Variants in RNF130 observed in about 807,000 individuals in gnomAD.
RNF130 encodes the protein E3 ubiquitin-protein ligase RNF130.
A neutral mutation model predicts 44.6 loss-of-function variants in RNF130; 21 were observed. That is an observed-to-expected ratio of 0.47 (90% confidence interval 0.33 to 0.68). The LOEUF is 0.68. RNF130 is among the 30% of genes least tolerant of loss of function. The pLI is 0.02. For synonymous variants in RNF130, 214 were observed against 210.4 expected, an observed-to-expected ratio of 1.02 and a Z score of -0.15; for missense variants, 479 against 560.6, an observed-to-expected ratio of 0.85 and a Z score of 1.47.
chr5:179,918,778 G>C (rs1761587406), exon 8 of RNF130: 1 of 152,174 alleles, frequency 6.6e-6, no homozygotes, highest in South Asian at 2.1e-4. Flanking sequence ...GAGCGAAAAC[G>C]AAATGCCGCT....
intron 7 of RNF130, among the ~76,000 whole-genome samples, chr5:179,938,058 G>A (rs918974097): frequency 6.6e-6 from 1 of 151,954 alleles, no homozygotes. Context: ...CCGGGCTCAA[G>A]TGATCCTCCC....
chr5:179,959,496 C>T (rs753862739), intron 8 of RNF130, among the ~76,000 whole-genome samples: 1 of 151,910 alleles, frequency 6.6e-6, no homozygotes, highest in African/African-American at 2.4e-5. Context: ...GGCGTGGTGG[C>T]GGGTGCCTGT....
chr5:179,935,516 G>A (rs1014524107), intron 7 of RNF130, among the ~76,000 whole-genome samples: 5 of 45,258 alleles, frequency 1.1e-4, no homozygotes, highest in Non-Finnish European at 1.6e-4. Context: ...ATGTCAGCAC[G>A]TGTGTGTGTG....
At chr5:179,979,110 T>C (rs1054340110) in intron 4 of RNF130, among the ~76,000 whole-genome samples, 81 of 151,946 alleles carry the variant, frequency 5.3e-4, no homozygotes, top group African/African-American at 1.7e-3. Flanking sequence ...GATGGGTAGG[T>C]TAAATCCGCT....
At chr5:179,950,234 A>T (rs1762105830), downstream of RNF130, among the ~76,000 whole-genome samples, 2 of 152,020 alleles carry the variant, frequency 1.3e-5, no homozygotes, top group African/African-American at 4.8e-5. Flanking sequence ...CTCCTGCCTC[A>T]GCCTCCCAAG....
At chr5:180,017,434 T>C (rs930804811) in intron 2 of RNF130, among the ~76,000 whole-genome samples, 1 of 152,188 alleles carries the variant, frequency 6.6e-6, no homozygotes, top group Non-Finnish European at 1.5e-5. Context: ...TACTTCCAGA[T>C]TGTGTGACTA....
At chr5:179,967,161 TA>T in intron 6 of RNF130, 151 bp from the exon 7 acceptor site, 1 of 642,426 alleles carries the variant, frequency 1.6e-6, no homozygotes, top group East Asian at 2.8e-5. Context: ...CCCACCTACC[TA>T]CTCCTTCTTC....
At chr5:179,939,086 G>A (rs1030942344) in intron 7 of RNF130, among the ~76,000 whole-genome samples, 7 of 152,010 alleles carry the variant, frequency 4.6e-5, no homozygotes, top group Admixed American at 1.3e-4. Context: ...AAAATTAGCC[G>A]GGCATGTTTA....
rs114819798 is a variant in RNF130, at chr5:179,923,361, G to T, written c.1151-2935C>A. On this transcript the variant is annotated intron_variant, in intron 7 of 7. Coordinates refer to the RNF130 transcript ENST00000522208. ...AAATCTATTGATTGTAAATGTGTGGGTCTATTTCTGGGCACTATTCTGTTC... is the reference window on the plus strand; with the variant it reads ...AAATCTATTGATTGTAAATGTGTGGTTCTATTTCTGGGCACTATTCTGTTC... Among the ~76,000 whole-genome samples the T allele has an allele frequency of 3.3e-3, 509 of 152,248 alleles. 4 individuals are homozygous for T. Among genetic ancestry groups the T allele is most frequent in the African/African-American group, 0.012 (492 of 41,546 alleles).
intron 1 of RNF130, among the ~76,000 whole-genome samples, chr5:180,051,078 C>T (rs1764676013): frequency 6.6e-6 from 1 of 152,176 alleles, no homozygotes; most frequent in Non-Finnish European, 1.5e-5. Flanking sequence ...GCTGGGATTA[C>T]AGGCGTAAGC....
intron 2 of RNF130, among the ~76,000 whole-genome samples, chr5:180,026,199 G>C (rs1343730366): frequency 6.6e-6 from 1 of 151,674 alleles, no homozygotes; most frequent in Non-Finnish European, 1.5e-5. Context: ...TTATTATTTG[G>C]TTACATGTTT....
In RNF130 at chr5:179,933,929, T is replaced by C. The variant is rs574420939; in HGVS notation, c.1151-13503A>G. The C allele has an allele frequency of 1.1e-5, 6 of 536,840 alleles. No individual in the cohort carries two copies. The East Asian group carries it at 1.6e-4, about 15-fold the overall frequency. 33.3% of individuals were successfully genotyped at this position (536,840 alleles called of 1,614,324 possible). A position where few individuals can be genotyped will look rare whatever the true frequency, so the allele number is the denominator to read the frequency against. On this transcript the variant is annotated intron_variant, in intron 7 of 7. Coordinates refer to the RNF130 transcript ENST00000522208. ...CTGTCAGAATGGGAGCAGACTGTTC[T>C]GCCATTTTTTCTAGATCTTTGAGCT...
chr5:180,043,795 T>C (rs938036233), intron 1 of RNF130, among the ~76,000 whole-genome samples: 13 of 151,988 alleles, frequency 8.6e-5, no homozygotes, highest in African/African-American at 3.1e-4. Flanking sequence ...TTCCCAAAAT[T>C]CATCTAATCA....
intron 5 of RNF130, among the ~76,000 whole-genome samples, chr5:179,971,715 T>C (rs927602219): frequency 6.6e-6 from 1 of 152,236 alleles, no homozygotes; most frequent in African/African-American, 2.4e-5. Context: ...AATCATGGTA[T>C]ATACCTTTAC....
At chr5:179,986,888 C>A (rs879892892) in intron 3 of RNF130, among the ~76,000 whole-genome samples, 1 of 151,760 alleles carries the variant, frequency 6.6e-6, no homozygotes, top group Non-Finnish European at 1.5e-5. Context: ...ATTTATTATT[C>A]TTATGTATTT....
chr5:180,050,210 A>T (rs1386841609), intron 1 of RNF130, among the ~76,000 whole-genome samples: 3 of 152,222 alleles, frequency 2.0e-5, no homozygotes, highest in African/African-American at 7.2e-5. Context: ...AATTATGGAG[A>T]CAGACAAATC....
chr5:179,963,438 G>A, intron 8 of RNF130, 33 bp downstream of exon 8: 1 of 1,519,154 alleles, frequency 6.6e-7, no homozygotes. Flanking sequence ...GGATCATCTG[G>A]CACATGCAAT....
In RNF130 at chr5:180,048,001, CT is replaced by C. The variant is rs67545539; in HGVS notation, c.248-7355del. The stretch of plus-strand genomic sequence containing the variant: ...TCATGTTCACCATGTCAACAGCACA[CT>C]TTTTTTTTTTTTATTGGAACAACAA... On this transcript the variant is annotated intron_variant, in intron 1 of 8. Transcript: ENST00000521389. Among the ~76,000 whole-genome samples the C allele has an allele frequency of 4.8e-4, 70 of 146,908 alleles. 2 individuals are homozygous for C. The highest frequency in any genetic ancestry group is 4.3e-4 in the Non-Finnish European group (29 of 66,734).
At chr5:179,967,165 CCTT>C (rs1182889913) in intron 6 of RNF130, among the ~76,000 whole-genome samples, 155 bp from the exon 7 acceptor site, 23 of 152,334 alleles carry the variant, frequency 1.5e-4, no homozygotes, top group African/African-American at 5.5e-4. Flanking sequence ...CCTACCTACT[CCTT>C]CTTCTCTCAC....
Sources: gnomAD v4.1 joint callset for allele counts (sites outside exome capture counted in the v4.1 genomes callset) on GRCh38, gnomAD v4.1.1 for gene constraint, MANE v1.5 for transcripts, NCBI Gene and HGNC (gene_info 2026-07-23, HGNC 2026-07-21) for gene names.